The following PTK2 variants were observed in gnomAD, a reference collection of about 807,000 sequenced individuals.
The protein encoded by PTK2 is protein tyrosine kinase 2, also known as focal adhesion kinase 1.
A neutral mutation model predicts 150.1 loss-of-function variants in PTK2; 45 were observed. The ratio of observed to expected loss-of-function variants is 0.30; its 90% CI spans 0.24 to 0.38. The LOEUF (loss-of-function observed/expected upper bound fraction) is 0.38, where lower values mean the gene tolerates loss of function less well. Among genes scored for constraint, PTK2 ranks in the 10% least tolerant of loss-of-function variants. The probability of loss-of-function intolerance (pLI) is 1.00; values close to 1 mark genes in which losing one functional copy is unlikely to be tolerated. For synonymous variants in PTK2, 432 were observed against 449.2 expected, an observed-to-expected ratio of 0.96 and a Z score of 0.48; for missense variants, 919 against 1,307.3, an observed-to-expected ratio of 0.70 and a Z score of 4.58.
intron 5 of PTK2, among the ~76,000 whole-genome samples, chr8:140,856,538 T>C (rs1412288935): frequency 1.3e-5 from 2 of 152,132 alleles, no homozygotes; most frequent in African/African-American, 4.8e-5. Flanking sequence ...ACGCACTACA[T>C]AATCTGTTTA....
intron 5 of PTK2, among the ~76,000 whole-genome samples, chr8:140,863,692 C>G (rs2100137601): frequency 1.3e-5 from 2 of 152,206 alleles, no homozygotes; most frequent in South Asian, 4.1e-4. Context: ...TGCTTACTAA[C>G]AGCAAAGGCT....
At chr8:140,995,381 C>CAAAA (rs34527935) in intron 1 of PTK2, among the ~76,000 whole-genome samples, 10 of 92,370 alleles carry the variant, frequency 1.1e-4, no homozygotes, top group African/African-American at 2.4e-4. Context: ...GACTCCGTCT[C>CAAAA]AAAAAAAAAA....
intron 11 of PTK2, among the ~76,000 whole-genome samples, chr8:140,802,005 A>T (rs994408383): frequency 6.6e-6 from 1 of 152,304 alleles, no homozygotes; most frequent in South Asian, 2.1e-4. Context: ...TGTACAGCAC[A>T]TAATACTGGA....
At chr8:140,857,039 C>T (rs921668033) in intron 5 of PTK2, among the ~76,000 whole-genome samples, 4 of 152,084 alleles carry the variant, frequency 2.6e-5, no homozygotes, top group Admixed American at 6.6e-5. Flanking sequence ...AATACAATGT[C>T]GTAGAAAAAA....
At chr8:140,664,261 C>T (rs545452645) in intron 31 of PTK2, among the ~76,000 whole-genome samples, 5 of 152,284 alleles carry the variant, frequency 3.3e-5, no homozygotes, top group South Asian at 4.1e-4. Flanking sequence ...AGATTACAGG[C>T]GTGAGCCACT....
intron 24 of PTK2, among the ~76,000 whole-genome samples, chr8:140,703,334 G>C (rs149731568): frequency 1.1e-3 from 165 of 152,298 alleles, no homozygotes; most frequent in East Asian, 4.8e-3. Flanking sequence ...AAGGCATGTA[G>C]GTGCCCTGTA....
intron 19 of PTK2, among the ~76,000 whole-genome samples, chr8:140,743,780 CTTT>C (rs1187773634): frequency 4.3e-5 from 6 of 138,926 alleles, no homozygotes; most frequent in Admixed American, 2.2e-4. Context: ...TTTTTCTTTT[CTTT>C]TTTTTTTTTT....
chr8:140,699,305 G>A (rs1022583742), intron 26 of PTK2, among the ~76,000 whole-genome samples: 2 of 152,156 alleles, frequency 1.3e-5, no homozygotes, highest in African/African-American at 4.8e-5. Context: ...ACTACAGGAA[G>A]ATTGAAATAG....
At chr8:140,795,964 T>C (rs1329074254) in intron 12 of PTK2, among the ~76,000 whole-genome samples, 1 of 152,220 alleles carries the variant, frequency 6.6e-6, no homozygotes, top group Non-Finnish European at 1.5e-5. Flanking sequence ...ATACCTCAGT[T>C]TGCATTGAGC....
intron 23 of PTK2, among the ~76,000 whole-genome samples, chr8:140,706,880 A>G (rs759458778): frequency 1.8e-4 from 27 of 152,218 alleles, no homozygotes; most frequent in Non-Finnish European, 3.7e-4. Flanking sequence ...AAAACAAATT[A>G]AGTAAACACA....
chr8:140,957,947 A>G (rs903133562), intron 1 of PTK2, among the ~76,000 whole-genome samples: 1 of 152,248 alleles, frequency 6.6e-6, no homozygotes, highest in Non-Finnish European at 1.5e-5. Flanking sequence ...CAGAATTACA[A>G]AAAGAAAAAG....
intron 22 of PTK2, 27 bp downstream of exon 25, chr8:140,735,224 C>T: frequency 6.2e-7 from 1 of 1,603,522 alleles, no homozygotes; most frequent in Non-Finnish European, 8.5e-7. Flanking sequence ...CCCCCACCCC[C>T]AGGCCCTCTC....
chr8:140,995,187 T>C lies in PTK2; in HGVS notation c.-122+5938A>G, dbSNP rs527679198. ...CAAGATAAGGAGATCAAGACCATCC[T>C]GGCCAACATGATGATGAAACCCTGT... On this transcript the variant is annotated intron_variant, in intron 1 of 31. Transcript: ENST00000522684. Among the ~76,000 whole-genome samples, 55 of 151,682 alleles carry C rather than the reference T, an allele frequency of 3.6e-4. 1 individual carries two copies. The South Asian group carries it at 0.011, about 31-fold the overall frequency.
chr8:140,736,749 T>G (rs1342806603), intron 21 of PTK2, among the ~76,000 whole-genome samples: 1 of 152,168 alleles, frequency 6.6e-6, no homozygotes, highest in Non-Finnish European at 1.5e-5. Flanking sequence ...CCTCACAAGC[T>G]CTCTTCTTTG....
intron 2 of PTK2, among the ~76,000 whole-genome samples, chr8:140,899,641 CA>C (rs1396165346): frequency 3.3e-5 from 5 of 151,882 alleles, no homozygotes; most frequent in African/African-American, 4.8e-5. Flanking sequence ...GACAACAATG[CA>C]ACAAAAAAAG....
At chr8:140,953,856 G>A (rs1202026790) in intron 1 of PTK2, among the ~76,000 whole-genome samples, 1 of 152,122 alleles carries the variant, frequency 6.6e-6, no homozygotes, top group African/African-American at 2.4e-5. Flanking sequence ...AACGATCCTG[G>A]CTCACTGCAG....
At chr8:140,973,044 A>C (rs879713644) in intron 1 of PTK2, among the ~76,000 whole-genome samples, 3 of 152,220 alleles carry the variant, frequency 2.0e-5, no homozygotes, top group Admixed American at 6.5e-5. Context: ...TAGAAATTCT[A>C]ATTTTTCAGT....
intron 22 of PTK2, among the ~76,000 whole-genome samples, chr8:140,722,120 C>T (rs989567929): frequency 1.3e-5 from 2 of 152,178 alleles, no homozygotes; most frequent in Non-Finnish European, 2.9e-5. Context: ...CATTACCAAG[C>T]TTCCTGTTCT....
At chr8:140,756,301 C>G (rs1011628862) in intron 16 of PTK2, among the ~76,000 whole-genome samples, 1 of 131,690 alleles carries the variant, frequency 7.6e-6, no homozygotes, top group African/African-American at 2.9e-5. Context: ...CCAGCCTGAG[C>G]AACAGAGCAA....
Sources: gnomAD v4.1 joint callset for allele counts (sites outside exome capture counted in the v4.1 genomes callset) on GRCh38, gnomAD v4.1.1 for gene constraint, MANE v1.5 for transcripts, NCBI Gene and HGNC (gene_info 2026-07-23, HGNC 2026-07-21) for gene names.